NFIA: variants seen among roughly 807,000 people sequenced by gnomAD.
The protein encoded by NFIA is nuclear factor 1 A-type.
NFIA carries 8 observed loss-of-function variants against 62.8 expected under a neutral mutation model. That is an observed-to-expected ratio of 0.13 (90% CI 0.07 to 0.23). NFIA has a LOEUF of 0.23. Ranked by LOEUF, NFIA falls within the 10% of genes least tolerant of loss-of-function variation. The pLI is 1.00. For missense variants in NFIA, 410 were observed against 642.1 expected (o/e 0.64, Z 3.91); for synonymous variants, 235 against 238.1 (o/e 0.99, Z 0.12).
chr1:61,299,232 G>T (rs909961375), intron 3 of NFIA, among the ~76,000 whole-genome samples: 1 of 152,146 alleles, frequency 6.6e-6, no homozygotes, highest in African/African-American at 2.4e-5. Flanking sequence ...TTGGCATTTA[G>T]TGCCATTCCA....
chr1:61,160,767 C>T (rs916481127), intron 2 of NFIA, among the ~76,000 whole-genome samples: 3 of 152,200 alleles, frequency 2.0e-5, no homozygotes, highest in African/African-American at 7.2e-5. Flanking sequence ...TTAGTTTCCT[C>T]CTTACTCTCT....
Position 61,460,333 on chromosome 1 carries a change from C to T in NFIA, c.*5013C>T, listed in dbSNP as rs1668481296. ...TGATATATAGCAGGTAACATTGAAG[C>T]TATTCCATAGCACTTAACTGTAGTG... On this transcript the variant is annotated 3_prime_UTR_variant, in exon 11 of 11. Coordinates refer to ENST00000403491, the MANE Select transcript of NFIA (RefSeq NM_001134673.4). 1.3e-5 allele frequency: 2 copies of T among 152,208 alleles called. No individual in the cohort carries two copies. Among genetic ancestry groups the T allele is most frequent in the Admixed American group, 6.5e-5 (1 of 15,280 alleles). The allele number at this position is 152,208 out of a possible 1,614,324, so 9.4% of individuals were successfully genotyped here. A position where few individuals can be genotyped will look rare whatever the true frequency, so the allele number is the denominator to read the frequency against.
chr1:61,087,659 A>AT (rs1039366196), intron 1 of NFIA, among the ~76,000 whole-genome samples: 1 of 152,156 alleles, frequency 6.6e-6, no homozygotes, highest in African/African-American at 2.4e-5. Context: ...TGTAGAGATG[A>AT]TTTTTTGCTC....
upstream of NFIA, chr1:61,081,946 G>A: frequency 6.4e-7 from 1 of 1,550,494 alleles, no homozygotes. Context: ...TTGCATACAT[G>A]CAAATGTGCC....
chr1:61,196,952 C>G (rs981230191), intron 2 of NFIA, among the ~76,000 whole-genome samples: 1 of 149,066 alleles, frequency 6.7e-6, no homozygotes, highest in South Asian at 2.1e-4. Flanking sequence ...CGCGCGCGCG[C>G]TGTGTGTGTG....
intron 2 of NFIA, among the ~76,000 whole-genome samples, chr1:61,208,883 G>A (rs1431874338): frequency 2.6e-5 from 4 of 152,176 alleles, no homozygotes; most frequent in Non-Finnish European, 4.4e-5. Context: ...TTGGTTTCTT[G>A]ATGATTAAGT....
intron 2 of NFIA, among the ~76,000 whole-genome samples, chr1:61,233,525 A>G (rs1654804613): frequency 6.6e-6 from 1 of 152,216 alleles, no homozygotes; most frequent in Non-Finnish European, 1.5e-5. Flanking sequence ...GGAAGTCAGA[A>G]GAGTCTCGTC....
upstream of NFIA, among the ~76,000 whole-genome samples, chr1:61,079,366 G>T (rs985516609): frequency 1.3e-5 from 2 of 152,122 alleles, no homozygotes; most frequent in African/African-American, 4.8e-5. Flanking sequence ...CAAAATGAGA[G>T]CTATTTGAGA....
At chr1:61,225,264 T>A (rs1287303530) in intron 2 of NFIA, among the ~76,000 whole-genome samples, 1 of 152,038 alleles carries the variant, frequency 6.6e-6, no homozygotes, top group Non-Finnish European at 1.5e-5. Flanking sequence ...GTACTTTTTT[T>A]TTTTTGAGAC....
At chr1:61,358,379 C>CTTTCTTTTTTTTTTTTTTTTT (rs71582639) in intron 5 of NFIA, among the ~76,000 whole-genome samples, 9 of 52,622 alleles carry the variant, frequency 1.7e-4, no homozygotes, top group African/African-American at 5.1e-4. Context: ...TTCTTTCTTT[C>CTTTCTTTTTTTTTTTTTTTTT]TTTTTTTTTT....
intron 2 of NFIA, among the ~76,000 whole-genome samples, chr1:61,203,833 T>C (rs1220140388): frequency 2.0e-5 from 3 of 152,178 alleles, no homozygotes; most frequent in Non-Finnish European, 4.4e-5. Flanking sequence ...TCGACTTTAG[T>C]AGGAGCCGGC....
chr1:61,164,928 C>T (rs1442987943), intron 2 of NFIA, among the ~76,000 whole-genome samples: 2 of 152,132 alleles, frequency 1.3e-5, no homozygotes, highest in Non-Finnish European at 2.9e-5. Context: ...CAAAAATCTT[C>T]AGATTGGGGA....
At chr1:61,378,776 A>C (rs2364479) in intron 6 of NFIA, among the ~76,000 whole-genome samples, 12,217 of 152,266 alleles carry the variant, frequency 0.08, 567 homozygotes, top group Middle Eastern at 0.13. Context: ...GGCAGAATTC[A>C]GTTGCTTGTG....
At chr1:61,308,990 C>G (rs1029573729) in intron 3 of NFIA, among the ~76,000 whole-genome samples, 6 of 152,162 alleles carry the variant, frequency 3.9e-5, no homozygotes, top group Admixed American at 1.3e-4. Context: ...CATTTAGTAA[C>G]CTACACTGTA....
At chr1:61,155,118 A>G (rs1445114239) in intron 2 of NFIA, among the ~76,000 whole-genome samples, 2 of 152,230 alleles carry the variant, frequency 1.3e-5, no homozygotes, top group Non-Finnish European at 2.9e-5. Flanking sequence ...AGAGTAATTC[A>G]TACAAAGGAT....
At chr1:61,113,684 G>C (rs1331032607) in intron 2 of NFIA, among the ~76,000 whole-genome samples, 2 of 151,744 alleles carry the variant, frequency 1.3e-5, no homozygotes, top group Non-Finnish European at 2.9e-5. Context: ...AAGGCTTCTT[G>C]GGTAAAACTG....
At chr1:61,385,660 A>G (rs1028491187) in intron 7 of NFIA, among the ~76,000 whole-genome samples, 3 of 152,158 alleles carry the variant, frequency 2.0e-5, no homozygotes, top group South Asian at 4.1e-4. Flanking sequence ...GCACTTCCCT[A>G]TGGGTACAGG....
At chr1:61,186,139 G>A (rs1651162093) in intron 2 of NFIA, among the ~76,000 whole-genome samples, 1 of 151,984 alleles carries the variant, frequency 6.6e-6, no homozygotes, top group Admixed American at 6.5e-5. Flanking sequence ...ATTGTTAAAC[G>A]AATGTTTTCA....
At chr1:61,182,111 T>G (rs1650799953) in intron 2 of NFIA, among the ~76,000 whole-genome samples, 2 of 152,238 alleles carry the variant, frequency 1.3e-5, no homozygotes, top group African/African-American at 4.8e-5. Flanking sequence ...GTATTTGTAT[T>G]TTGGTTGCCT....
Sources: allele counts gnomAD v4.1 joint callset (sites outside exome capture counted in the v4.1 genomes callset), GRCh38; gene constraint gnomAD v4.1.1; transcripts MANE v1.5; gene names NCBI Gene and HGNC (gene_info 2026-07-23, HGNC 2026-07-21).